Variants in CTNNA2 observed in about 807,000 individuals in gnomAD.
CTNNA2 encodes catenin alpha 2.
In CTNNA2, 42 loss-of-function variants were observed where a neutral mutation model predicts 101.0. That is an observed-to-expected ratio of 0.42 (90% CI 0.32 to 0.54). The LOEUF (loss-of-function observed/expected upper bound fraction) is 0.54. CTNNA2 is among the 20% of genes least tolerant of loss of function. CTNNA2 has a pLI of 0.14. For synonymous variants in CTNNA2, 450 were observed against 456.4 expected (o/e 0.99, Z 0.18); for missense variants, 871 against 1,223.1 (o/e 0.71, Z 4.29).
intron 4 of CTNNA2, among the ~76,000 whole-genome samples, chr2:79,471,062 T>G (rs1266204541): frequency 1.3e-5 from 2 of 152,184 alleles, no homozygotes; most frequent in East Asian, 3.9e-4. Flanking sequence ...GTAATGAAGA[T>G]AGATGGCATA....
chr2:79,803,103 G>A (rs1194320961), intron 3 of CTNNA2, among the ~76,000 whole-genome samples: 2 of 152,206 alleles, frequency 1.3e-5, no homozygotes, highest in Middle Eastern at 3.4e-3. Context: ...AATGTAAATT[G>A]ATAACATCAT....
chr2:80,520,424 G>T (rs1372940726), intron 9 of CTNNA2, among the ~76,000 whole-genome samples: 1 of 152,138 alleles, frequency 6.6e-6, no homozygotes, highest in Non-Finnish European at 1.5e-5. Flanking sequence ...GAGGGCCCTT[G>T]TCGGTTCAGG....
At chr2:79,201,443 AC>A (rs1674034082) in intron 2 of CTNNA2, among the ~76,000 whole-genome samples, 1 of 151,422 alleles carries the variant, frequency 6.6e-6, no homozygotes, top group Non-Finnish European at 1.5e-5. Context: ...ACTCAAATTC[AC>A]CTTCCTTCCC....
intron 1 of CTNNA2, among the ~76,000 whole-genome samples, chr2:79,530,181 C>G (rs1391643365): frequency 6.6e-6 from 1 of 152,098 alleles, no homozygotes; most frequent in African/African-American, 2.4e-5. Context: ...TTTTACTACA[C>G]GAATCAATTA....
chr2:79,938,184 C>G (rs1189823623), intron 7 of CTNNA2, among the ~76,000 whole-genome samples: 1 of 152,208 alleles, frequency 6.6e-6, no homozygotes, highest in Non-Finnish European at 1.5e-5. Flanking sequence ...GGAGAACCAG[C>G]TCACTGTCGC....
At chr2:80,595,783 G>A (rs569219611) in intron 15 of CTNNA2, among the ~76,000 whole-genome samples, 1 of 152,278 alleles carries the variant, frequency 6.6e-6, no homozygotes, top group South Asian at 2.1e-4. Context: ...AGTTTAGTTT[G>A]AAGTCAGGTA....
At chr2:79,370,088 C>T (rs1677837057) in intron 3 of CTNNA2, among the ~76,000 whole-genome samples, 1 of 152,152 alleles carries the variant, frequency 6.6e-6, no homozygotes, top group Non-Finnish European at 1.5e-5. Flanking sequence ...AGATTTTGAC[C>T]TCAGTATCAG....
At chr2:80,297,238 A>G (rs1675827196) in intron 7 of CTNNA2, among the ~76,000 whole-genome samples, 1 of 152,178 alleles carries the variant, frequency 6.6e-6, no homozygotes, top group Non-Finnish European at 1.5e-5. Flanking sequence ...TGTTAGGTGT[A>G]GGAGTGGAGG....
chr2:79,914,600 C>G (rs1686057299), intron 7 of CTNNA2, among the ~76,000 whole-genome samples: 4 of 151,840 alleles, frequency 2.6e-5, no homozygotes, highest in African/African-American at 9.7e-5. Flanking sequence ...TTTTTTAAGA[C>G]TAATTTAGAG....
Position 80,321,188 on chromosome 2 carries a change from C to T in CTNNA2, c.1057-72023C>T, listed in dbSNP as rs547213203. Among the ~76,000 whole-genome samples, 4 of 152,020 alleles carry T rather than the reference C, an allele frequency of 2.6e-5. No individual in the cohort carries two copies. The East Asian group carries it at 7.7e-4, about 29-fold the overall frequency. On this transcript the variant is annotated intron_variant, in intron 7 of 18. Coordinates refer to ENST00000402739, the MANE Select transcript of CTNNA2 (RefSeq NM_001282597.3). ...TAATTATGGATATAACATGGAAGAA[C>T]TTGATAAACCCTCAAGTAAATATTT...
rs534266800 is a variant in CTNNA2 at position 80,440,979 on chromosome 2, C to T, written c.1290+21378C>T. On this transcript the variant is annotated intron_variant, in intron 9 of 18. Transcript: ENST00000402739. ...CATCCTCTCTGCAAGACTGATGAAG[C>T]GGCCACTATCTGGAATATGCCAGTA... 9.2e-5 allele frequency among the ~76,000 whole-genome samples: 14 copies of T among 152,326 alleles called. 1 individual carries two copies. The Middle Eastern group carries it at 0.01, about 111-fold the overall frequency.
intron 1 of CTNNA2, among the ~76,000 whole-genome samples, chr2:79,556,878 A>G: frequency 6.6e-6 from 1 of 152,046 alleles, no homozygotes; most frequent in East Asian, 1.9e-4. Flanking sequence ...TTTAAAACAT[A>G]GGAAATAAAT....
chr2:80,373,834 T>C (rs1012595437), intron 7 of CTNNA2, among the ~76,000 whole-genome samples: 1 of 152,022 alleles, frequency 6.6e-6, no homozygotes, highest in African/African-American at 2.4e-5. Flanking sequence ...TTGACGTGAG[T>C]CTTGTGCTGT....
chr2:79,709,914 G>A (rs1162029838), intron 2 of CTNNA2, among the ~76,000 whole-genome samples: 2 of 152,226 alleles, frequency 1.3e-5, no homozygotes, highest in East Asian at 3.9e-4. Flanking sequence ...ACACTGGTCA[G>A]GAGTGGGCAT....
intron 7 of CTNNA2, among the ~76,000 whole-genome samples, chr2:80,047,373 T>C (rs1696599372): frequency 6.6e-6 from 1 of 152,196 alleles, no homozygotes; most frequent in Non-Finnish European, 1.5e-5. Flanking sequence ...ATTTCCATTA[T>C]GACACTAAGT....
intron 2 of CTNNA2, among the ~76,000 whole-genome samples, chr2:79,254,530 A>G (rs1391509161): frequency 1.3e-5 from 2 of 152,176 alleles, no homozygotes; most frequent in Non-Finnish European, 2.9e-5. Context: ...GCCATGAGTA[A>G]AATCTCCCCG....
Position 79,813,330 on chromosome 2 carries a change from T to C in CTNNA2, c.299-44683T>C, listed in dbSNP as rs562823969. Among the ~76,000 whole-genome samples the C allele has an allele frequency of 3.9e-5, 6 of 152,174 alleles. No individual in the cohort carries two copies. The East Asian group carries it at 7.8e-4, about 20-fold the overall frequency. On this transcript the variant is annotated intron_variant, in intron 3 of 18. Coordinates refer to ENST00000402739, the MANE Select transcript of CTNNA2 (RefSeq NM_001282597.3). ...GCAAGGAGACCATCAAGGGAGGCAATTGCATTATTCCCACAGAGAAATTTA... is the reference window on the plus strand; with the variant it reads ...GCAAGGAGACCATCAAGGGAGGCAACTGCATTATTCCCACAGAGAAATTTA...
chr2:80,559,867 C>A (rs142618603), intron 12 of CTNNA2, among the ~76,000 whole-genome samples: 1 of 113,056 alleles, frequency 8.8e-6, no homozygotes, highest in African/African-American at 3.5e-5. Context: ...GCACATTCAG[C>A]GATATCATAT....
intron 9 of CTNNA2, among the ~76,000 whole-genome samples, chr2:80,492,809 A>T (rs963994361): frequency 2.6e-5 from 4 of 151,990 alleles, no homozygotes; most frequent in Non-Finnish European, 5.9e-5. Flanking sequence ...TCAGAATCAG[A>T]GTGGAAGTTG....
Sources: gnomAD v4.1 joint callset for allele counts (sites outside exome capture counted in the v4.1 genomes callset) on GRCh38, gnomAD v4.1.1 for gene constraint, MANE v1.5 for transcripts, NCBI Gene and HGNC (gene_info 2026-07-23, HGNC 2026-07-21) for gene names.